Variants in TAPT1 observed in about 807,000 individuals in gnomAD.
TAPT1 encodes the protein transmembrane anterior posterior transformation 1, also known as transmembrane anterior posterior transformation protein 1 homolog.
TAPT1 carries 28 observed loss-of-function variants against 65.6 expected under a neutral mutation model. The observed-to-expected ratio is 0.43, with a 90% CI of 0.32 to 0.59. The LOEUF (loss-of-function observed/expected upper bound fraction) is 0.59, where lower values mean the gene tolerates loss of function less well. TAPT1 is among the 20% of genes least tolerant of loss of function. The pLI is 0.09. For synonymous variants in TAPT1, 278 were observed against 245.2 expected (o/e 1.13, Z -1.25); for missense variants, 563 against 679.9 (o/e 0.83, Z 1.91).
In TAPT1 at chr4:16,202,491, C is replaced by A; in HGVS notation, c.420G>T (p.Arg140Ser). Residue 140 changes from arginine to serine, a missense_variant, in exon 3 of 14, where the codon AGG (arginine) becomes AGT (serine). By Grantham distance (110) the Arg-to-Ser change is moderately radical. Coordinates refer to ENST00000405303, the MANE Select transcript of TAPT1 (RefSeq NM_153365.3). ...LPLRVFLALF[R>S]LLTLPCYGLR... ...AGCCATAGCAAGGCAAAGTGAGGAG[C>A]CTGAATAGTGCCAGGAAAACTCTTA... 3 of 1,551,094 alleles carry A rather than the reference C, an allele frequency of 1.9e-6. No individual in the cohort carries two copies. Among genetic ancestry groups the A allele is most frequent in the Non-Finnish European group, 2.6e-6 (3 of 1,146,626 alleles).
Position 16,170,726 on chromosome 4 carries a change from T to G in TAPT1, c.1240A>C (p.Ile414Leu). ...TTAATTGAGCTTGTTACAACTCTGA[T>G]GAGCTAGCCAGAAACAAACCAAAAC... ...FIPLPLAVLL[I>L]RVVTSSIKVQ... Residue 414 changes from isoleucine to leucine, a missense_variant, in exon 12 of 14, where the codon ATC (isoleucine) becomes CTC (leucine). Ile to Leu is a conservative substitution (Grantham distance 5, BLOSUM62 2). Around this residue, in one of 5 missense-constraint regions of TAPT1, gnomAD observed 104 missense variants for 102.5 expected, o/e 1.01. Coordinates refer to ENST00000405303, the MANE Select transcript of TAPT1 (RefSeq NM_153365.3). 1 of 1,613,368 alleles carries G rather than the reference T, an allele frequency of 6.2e-7. No individual in the cohort carries two copies. Among genetic ancestry groups the G allele is most frequent in the Non-Finnish European group, 8.5e-7 (1 of 1,179,410 alleles).
chr4:16,170,791 T>C (rs1262698792), intron 11 of TAPT1, 62 bp from the exon 12 acceptor site: 3 of 1,254,180 alleles, frequency 2.4e-6, no homozygotes, highest in South Asian at 2.5e-5. Context: ...CACAGAGTTA[T>C]TAGTTAATAC....
chr4:16,198,544 T>C lies in TAPT1; in HGVS notation c.449+3918A>G, dbSNP rs113419076. On this transcript the variant is annotated intron_variant, in intron 3 of 13. Transcript: ENST00000405303. Reference sequence around the variant, plus strand: ...ACAGTAAGTTTTTACAGAAAGAAGATTGAAATACAGGAGAGTGAAAAAAAA... The same window carrying C: ...ACAGTAAGTTTTTACAGAAAGAAGACTGAAATACAGGAGAGTGAAAAAAAA... Among the ~76,000 whole-genome samples, 885 of 146,882 alleles carry C rather than the reference T, an allele frequency of 6.0e-3. 6 individuals are homozygous for C. Among genetic ancestry groups the C allele is most frequent in the Middle Eastern group, 0.032 (9 of 284 alleles).
chr4:16,227,042 G>T, upstream of TAPT1: 1 of 454,390 alleles, frequency 2.2e-6, no homozygotes, highest in Non-Finnish European at 4.4e-6. Flanking sequence ...ACGAGCGCCG[G>T]CCCTGCCTGC....
In TAPT1 at chr4:16,161,628, C is replaced by G. The variant is rs928182869; in HGVS notation, c.*1680G>C. 1 of 152,476 alleles carries G rather than the reference C, an allele frequency of 6.6e-6. No individual in the cohort carries two copies. The highest frequency in any genetic ancestry group is 6.5e-5 in the Admixed American group (1 of 15,284). 9.4% of individuals were successfully genotyped at this position (152,476 alleles called of 1,614,324 possible). On this transcript the variant is annotated 3_prime_UTR_variant, in exon 14 of 14. Transcript: ENST00000405303. ...AAATGGGGCTCCATTAAAACACACA[C>G]AAAGCAATTAAAACCTTTTTCATTT...
At chr4:16,176,026 A>G in intron 9 of TAPT1, 93 bp downstream of exon 9, 1 of 579,152 alleles carries the variant, frequency 1.7e-6, no homozygotes, top group Non-Finnish European at 2.9e-6. Context: ...TTCTGACCTT[A>G]AAGTATTAAC....
chr4:16,198,236 C>T (rs189285670), intron 3 of TAPT1, among the ~76,000 whole-genome samples: 1 of 152,222 alleles, frequency 6.6e-6, no homozygotes, highest in Admixed American at 6.5e-5. Flanking sequence ...GAAATAGGTT[C>T]AAATATTAAG....
intron 13 of TAPT1, among the ~76,000 whole-genome samples, chr4:16,165,797 A>C (rs1233048520): frequency 6.6e-6 from 1 of 152,050 alleles, no homozygotes; most frequent in East Asian, 1.9e-4. Context: ...GTCTATCCAG[A>C]ACCTGGCCAG....
At chr4:16,164,630 T>C (rs146165967) in intron 13 of TAPT1, among the ~76,000 whole-genome samples, 254 of 152,288 alleles carry the variant, frequency 1.7e-3, no homozygotes, top group Middle Eastern at 0.01. Flanking sequence ...TGGGACTCAC[T>C]AGGTTGCCCA....
chr4:16,172,844 G>C lies in TAPT1; in HGVS notation c.1236+1360C>G, dbSNP rs542406393. 4.0e-5 allele frequency among the ~76,000 whole-genome samples: 6 copies of C among 151,432 alleles called. No individual in the cohort carries two copies. The South Asian group carries it at 1.2e-3, about 31-fold the overall frequency. ...TTGTTTTTGTTGTTTTTTTTTTTGA[G>C]ATGGAGTGTTGCTCTTGTTGCCTAG... On this transcript the variant is annotated intron_variant, in intron 11 of 13. Transcript: ENST00000405303.
In TAPT1 at chr4:16,160,767, T is replaced by C. The variant is rs1044338640; in HGVS notation, c.*2541A>G. 6.6e-6 allele frequency: 1 copy of C among 152,636 alleles called. No individual in the cohort carries two copies. The highest frequency in any genetic ancestry group is 1.5e-5 in the Non-Finnish European group (1 of 68,046). 9.5% of individuals were successfully genotyped at this position (152,636 alleles called of 1,614,324 possible). On this transcript the variant is annotated 3_prime_UTR_variant, in exon 14 of 14. Coordinates refer to ENST00000405303, the MANE Select transcript of TAPT1 (RefSeq NM_153365.3). ...GAGATATTACATTATTTTGTAAATT[T>C]ATCTCCTCCTCTGCTGAGTTACCAG... is the stretch of plus-strand genomic sequence containing the variant.
chr4:16,196,633 G>A, intron 3 of TAPT1: 1 of 1,253,282 alleles, frequency 8.0e-7, no homozygotes, highest in Non-Finnish European at 1.0e-6. Flanking sequence ...CAAGAGTATA[G>A]AAGGAAAAAT....
chr4:16,174,141 T>C (rs1748177007), intron 11 of TAPT1, 63 bp downstream of exon 11: 2 of 1,190,234 alleles, frequency 1.7e-6, no homozygotes, highest in African/African-American at 3.1e-5. Context: ...TAATAATCCA[T>C]TTATTAATAT....
intron 2 of TAPT1, among the ~76,000 whole-genome samples, chr4:16,205,847 T>C (rs1452714410): frequency 1.3e-5 from 2 of 152,320 alleles, no homozygotes; most frequent in African/African-American, 4.8e-5. Flanking sequence ...GCTCAAATTT[T>C]CATTCTTAGG....
In TAPT1 at chr4:16,174,697, A is replaced by T. The variant is rs1302422081; in HGVS notation, c.1140T>A (p.Phe380Leu). 6.3e-7 allele frequency: 1 copy of T among 1,594,628 alleles called. No homozygotes were observed. The highest frequency in any genetic ancestry group is 1.7e-5 in the Admixed American group (1 of 57,538). Residue 380 changes from phenylalanine to leucine, a missense_variant, in exon 10 of 14, where the codon TTT becomes TTA. Physicochemically the swap from Phe to Leu is conservative, Grantham distance 22. Coordinates refer to ENST00000405303, the MANE Select transcript of TAPT1 (RefSeq NM_153365.3). ...TTTTCTGTCGGCTGCTAACAAGGTC[A>T]AAAGCAAGACTGGCTCTATATTCAC... is the stretch of plus-strand genomic sequence containing the variant. The part of the protein sequence containing the change: ...VYSEYRASLA[F>L]DLVSSRQKNA...
At chr4:16,213,607 G>A (rs1301394360) in intron 2 of TAPT1, among the ~76,000 whole-genome samples, 161 bp downstream of exon 2, 1 of 152,138 alleles carries the variant, frequency 6.6e-6, no homozygotes, top group Non-Finnish European at 1.5e-5. Flanking sequence ...ACTAAAAAAT[G>A]TAACTTTAAA....
chr4:16,189,165 T>G (rs1031483262), intron 4 of TAPT1, among the ~76,000 whole-genome samples: 2 of 152,148 alleles, frequency 1.3e-5, no homozygotes, highest in Admixed American at 1.3e-4. Context: ...AGGTAAAAAT[T>G]GACACATAAA....
At chr4:16,165,336 C>T (rs910563366) in intron 13 of TAPT1, among the ~76,000 whole-genome samples, 6 of 151,992 alleles carry the variant, frequency 3.9e-5, no homozygotes, top group African/African-American at 1.2e-4. Context: ...TTTGGGAGGC[C>T]GAGGCAGGCG....
chr4:16,196,789 G>T, intron 3 of TAPT1: 1 of 823,854 alleles, frequency 1.2e-6, no homozygotes, highest in Non-Finnish European at 1.8e-6. Context: ...GAGCTCCATG[G>T]TGAGGAAACG....
Sources: gnomAD v4.1 joint callset for allele counts (sites outside exome capture counted in the v4.1 genomes callset) on GRCh38, gnomAD v4.1.1 for gene constraint, gnomAD v4.1.1 regional missense constraint, MANE v1.5 for transcripts, NCBI Gene and HGNC (gene_info 2026-07-23, HGNC 2026-07-21) for gene names.